The following PDE4B variants were observed in gnomAD, a reference collection of about 807,000 sequenced individuals.
PDE4B encodes 3',5'-cyclic-AMP phosphodiesterase 4B.
Under a neutral mutation model 82.2 loss-of-function variants are expected in PDE4B, and 20 were observed. The ratio of observed to expected loss-of-function variants is 0.24; its 90% CI spans 0.17 to 0.35. The LOEUF (loss-of-function observed/expected upper bound fraction) is 0.35. Ranked by LOEUF, PDE4B falls within the 10% of genes least tolerant of loss-of-function variation. The probability of loss-of-function intolerance (pLI) is 1.00; values close to 1 mark genes in which losing one functional copy is unlikely to be tolerated. For synonymous variants in PDE4B, 320 were observed against 318.9 expected (o/e 1.00, Z -0.04); for missense variants, 655 against 907.2 (o/e 0.72, Z 3.57).
chr1:66,364,030 T>C (rs17128839), intron 12 of PDE4B, among the ~76,000 whole-genome samples: 16,106 of 152,218 alleles, frequency 0.11, 1,124 homozygotes, highest in African/African-American at 0.2. Context: ...GCAGGAATCA[T>C]GTCTTATTCT....
chr1:65,802,102 C>T (rs1238145648), intron 1 of PDE4B, among the ~76,000 whole-genome samples: 1 of 152,158 alleles, frequency 6.6e-6, no homozygotes, highest in African/African-American at 2.4e-5. Context: ...AATATTATAG[C>T]AGTTAAGATT....
chr1:65,881,981 G>C (rs1571062492), intron 1 of PDE4B, among the ~76,000 whole-genome samples: 1 of 152,230 alleles, frequency 6.6e-6, no homozygotes, highest in East Asian at 1.9e-4. Flanking sequence ...CAATTAAAAG[G>C]AAGAGCAAAT....
intron 7 of PDE4B, among the ~76,000 whole-genome samples, chr1:66,300,819 C>T (rs1006569631): frequency 2.0e-5 from 3 of 152,124 alleles, no homozygotes; most frequent in African/African-American, 4.8e-5. Flanking sequence ...CACTGCTGGC[C>T]GTATGCAGTC....
At chr1:66,113,295 A>G (rs1427364461) in intron 3 of PDE4B, among the ~76,000 whole-genome samples, 3 of 152,216 alleles carry the variant, frequency 2.0e-5, no homozygotes, top group Non-Finnish European at 4.4e-5. Context: ...TTTTACTTTA[A>G]CTAGCACTTT....
chr1:65,952,752 C>T (rs1035440029), intron 3 of PDE4B, among the ~76,000 whole-genome samples: 1 of 152,050 alleles, frequency 6.6e-6, no homozygotes, highest in Non-Finnish European at 1.5e-5. Flanking sequence ...CACTTTGACT[C>T]CTGCTTTTCA....
intron 7 of PDE4B, among the ~76,000 whole-genome samples, chr1:66,322,543 C>G (rs1420724620): frequency 6.6e-6 from 1 of 152,136 alleles, no homozygotes; most frequent in East Asian, 1.9e-4. Flanking sequence ...ATTGATGCAG[C>G]CAACAGACAT....
At chr1:65,947,015 C>G (rs1279924508) in intron 3 of PDE4B, among the ~76,000 whole-genome samples, 1 of 152,056 alleles carries the variant, frequency 6.6e-6, no homozygotes, top group African/African-American at 2.4e-5. Context: ...CTTGAATCTT[C>G]CTCTAGAACA....
chr1:66,076,944 C>T (rs1187458708), intron 3 of PDE4B, among the ~76,000 whole-genome samples: 1 of 151,488 alleles, frequency 6.6e-6, no homozygotes, highest in Non-Finnish European at 1.5e-5. Context: ...TTTGCAGATA[C>T]TTTCCCTTAT....
Position 66,187,750 on chromosome 1 carries a change from G to A in PDE4B, c.282-59710G>A, listed in dbSNP as rs567331628. Among the ~76,000 whole-genome samples, 54 of 151,840 alleles carry A rather than the reference G, an allele frequency of 3.6e-4. 1 individual carries two copies. The South Asian group carries it at 0.01, about 29-fold the overall frequency. The stretch of plus-strand genomic sequence containing the variant: ...TTCTTCTTTATTAGTCTTGCTAGCG[G>A]TCTATCAATTTTGTTGATCCTTTCA... On this transcript the variant is annotated intron_variant, in intron 3 of 16. Coordinates refer to ENST00000341517, the MANE Select transcript of PDE4B (RefSeq NM_002600.4).
chr1:65,969,872 T>C (rs1420496062), intron 3 of PDE4B, among the ~76,000 whole-genome samples: 1 of 152,106 alleles, frequency 6.6e-6, no homozygotes, highest in Non-Finnish European at 1.5e-5. Flanking sequence ...TTGAGAGTGC[T>C]CTACTAGTGC....
chr1:66,044,025 TATACTAA>T (rs1277956152), intron 3 of PDE4B, among the ~76,000 whole-genome samples: 3 of 4,286 alleles, frequency 7.0e-4, no homozygotes, highest in African/African-American at 2.0e-3. Flanking sequence ...TGTCAAGTAT[TATACTAA>T]ATGTATTATA....
chr1:66,191,863 A>T (rs1418311548), intron 3 of PDE4B, among the ~76,000 whole-genome samples: 1 of 152,130 alleles, frequency 6.6e-6, no homozygotes, highest in East Asian at 1.9e-4. Flanking sequence ...CAAAAGGGAA[A>T]ACCCTTATAA....
intron 3 of PDE4B, among the ~76,000 whole-genome samples, chr1:66,048,334 C>G (rs760536100): frequency 1.3e-5 from 2 of 151,872 alleles, no homozygotes; most frequent in African/African-American, 2.4e-5. Context: ...CTCCACTGTC[C>G]TCCTACATAA....
chr1:66,364,143 A>G (rs888299566), intron 12 of PDE4B, among the ~76,000 whole-genome samples: 4 of 152,186 alleles, frequency 2.6e-5, no homozygotes, highest in African/African-American at 9.7e-5. Flanking sequence ...TGAACTGCCC[A>G]ATGCCACCCT....
chr1:66,203,696 C>A (rs1223737349), intron 3 of PDE4B, among the ~76,000 whole-genome samples: 2 of 152,182 alleles, frequency 1.3e-5, no homozygotes, highest in African/African-American at 4.8e-5. Flanking sequence ...CTTTCAGCTC[C>A]ATCAGCTCCT....
At chr1:66,073,799 T>C (rs1202263971) in intron 3 of PDE4B, among the ~76,000 whole-genome samples, 1 of 152,142 alleles carries the variant, frequency 6.6e-6, no homozygotes, top group Non-Finnish European at 1.5e-5. Context: ...TAGTTTCAGA[T>C]GCTGCCTCTA....
At chr1:66,131,000 C>T (rs1645930174) in intron 3 of PDE4B, among the ~76,000 whole-genome samples, 1 of 152,158 alleles carries the variant, frequency 6.6e-6, no homozygotes, top group African/African-American at 2.4e-5. Context: ...GATGCTGTCT[C>T]CAAATGTCAT....
At chr1:66,051,596 A>T (rs1354059) in intron 3 of PDE4B, among the ~76,000 whole-genome samples, 79,546 of 151,922 alleles carry the variant, frequency 0.52, 20,960 homozygotes, top group East Asian at 0.59. Flanking sequence ...TTTATTATAT[A>T]TATGTAAATA....
intron 3 of PDE4B, among the ~76,000 whole-genome samples, chr1:66,038,948 C>T (rs146027974): frequency 1.3e-5 from 2 of 152,018 alleles, no homozygotes; most frequent in African/African-American, 2.4e-5. Context: ...GTGTGTATCT[C>T]AGAAGTCCTA....
Sources: gnomAD v4.1 joint callset for allele counts (sites outside exome capture counted in the v4.1 genomes callset) on GRCh38, gnomAD v4.1.1 for gene constraint, MANE v1.5 for transcripts, NCBI Gene and HGNC (gene_info 2026-07-23, HGNC 2026-07-21) for gene names.